PTPRS: variants seen among roughly 807,000 people sequenced by gnomAD.
PTPRS encodes the protein receptor-type tyrosine-protein phosphatase S.
In PTPRS, 63 loss-of-function variants were observed where a neutral mutation model predicts 215.3. The ratio of observed to expected loss-of-function variants is 0.29; its 90% confidence interval spans 0.24 to 0.36. The LOEUF (loss-of-function observed/expected upper bound fraction) is 0.36, where lower values mean the gene tolerates loss of function less well. Among genes scored for constraint, PTPRS ranks in the 10% least tolerant of loss-of-function variants. The pLI, the probability that PTPRS is intolerant of heterozygous loss-of-function variation, is 1.00. For missense variants in PTPRS, 2,258 were observed against 2,825.8 expected (o/e 0.80, Z 4.56); for synonymous variants, 1,404 against 1,191.4 (o/e 1.18, Z -3.68).
In PTPRS at chr19:5,220,087, C is replaced by T. The variant is rs142918634; in HGVS notation, c.3617G>A (p.Arg1206Gln). 2,136 of 1,613,866 alleles carry T rather than the reference C, an allele frequency of 1.3e-3. 1 individual carries two copies. Among genetic ancestry groups the T allele is most frequent in the Non-Finnish European group, 1.6e-3 (1,931 of 1,180,008 alleles). The change falls in exon 22 of 38, where the codon CGG becomes CAG. Residue 1206 changes from arginine to glutamine, a missense_variant. By Grantham distance (43) the Arg-to-Gln change is conservative (BLOSUM62 1). This residue lies in a region of PTPRS where 927 missense variants were observed against 1,125.9 expected (regional missense o/e 0.82). Transcript: ENST00000262963. ...AGAGAAGCGAGCTGCAATATAGGGC[C>T]GGGGCACCTCCAGCTGACGCGAGTG... Reference protein sequence around the residue: ...LRHSRQLEVPRPYIAARFSVL... With the variant: ...LRHSRQLEVPQPYIAARFSVL...
rs75531025 is a variant in PTPRS, at chr19:5,289,877, C to T, written c.-94-3643G>A. On this transcript the variant is annotated intron_variant, in intron 1 of 37. Coordinates refer to ENST00000262963, the MANE Select transcript of PTPRS (RefSeq NM_002850.4). ...ACCCACAGAGCAGCCAGGAGCCCTA[C>T]GTGGCCCTGGGCAGGGAGGGAAATG... is the stretch of plus-strand genomic sequence containing the variant. Among the ~76,000 whole-genome samples, 1,268 of 152,330 alleles carry T rather than the reference C, an allele frequency of 8.3e-3. 21 individuals carry two copies. Among genetic ancestry groups the T allele is most frequent in the African/African-American group, 0.029 (1,225 of 41,586 alleles).
chr19:5,207,334 C>A (rs529759161), intron 37 of PTPRS, among the ~76,000 whole-genome samples: 1 of 152,366 alleles, frequency 6.6e-6, no homozygotes, highest in East Asian at 1.9e-4. Context: ...ATCTGCCTGC[C>A]TTGGCCTCCC....
chr19:5,336,198 T>C (rs977377480), intron 1 of PTPRS, among the ~76,000 whole-genome samples: 8 of 144,452 alleles, frequency 5.5e-5, no homozygotes, highest in Non-Finnish European at 1.2e-4. Flanking sequence ...AAGACAGAAA[T>C]GGTACGTCGG....
chr19:5,296,472 G>T (rs1277693122), intron 1 of PTPRS, among the ~76,000 whole-genome samples: 1 of 152,200 alleles, frequency 6.6e-6, no homozygotes, highest in Non-Finnish European at 1.5e-5. Flanking sequence ...CTGCAGTCCA[G>T]CCTGGGCGAC....
intron 13 of PTPRS, among the ~76,000 whole-genome samples, chr19:5,232,327 T>C (rs896878188): frequency 6.7e-6 from 1 of 149,970 alleles, no homozygotes; most frequent in Non-Finnish European, 1.5e-5. Context: ...GCTCCATTTA[T>C]TAGGCACCTA....
At chr19:5,256,586 C>A (rs1274825573) in intron 8 of PTPRS, among the ~76,000 whole-genome samples, 1 of 152,250 alleles carries the variant, frequency 6.6e-6, no homozygotes, top group East Asian at 1.9e-4. Context: ...TTGAGCCCTG[C>A]TGGATTTACA....
intron 4 of PTPRS, among the ~76,000 whole-genome samples, chr19:5,272,142 G>C (rs1397511503): frequency 1.3e-5 from 2 of 152,162 alleles, no homozygotes; most frequent in African/African-American, 2.4e-5. Flanking sequence ...CCAGTGCTAA[G>C]ACCAAACTGC....
At chr19:5,256,239 TG>T in intron 8 of PTPRS, 120 bp from the exon 9 acceptor site, 3 of 702,138 alleles carry the variant, frequency 4.3e-6, no homozygotes, top group Non-Finnish European at 4.1e-6. Flanking sequence ...AATAGTTTGT[TG>T]TTTTTTTTTT....
chr19:5,222,564 C>T (rs1333507055), intron 18 of PTPRS, 125 bp downstream of exon 18: 4 of 1,179,090 alleles, frequency 3.4e-6, no homozygotes, highest in South Asian at 3.3e-5. Context: ...TCCGGACTTG[C>T]CTTGAGTGAC....
At position 5,206,930 on chromosome 19, in the gene PTPRS, C is replaced by T. The variant is rs536490317; in HGVS notation, c.5779-88G>A. 9 of 1,237,022 alleles carry T rather than the reference C, an allele frequency of 7.3e-6. No individual in the cohort carries two copies. In the African/African-American group the frequency reaches 1.2e-4, roughly 16 times the overall value. The allele number at this position is 1,237,022 out of a possible 1,614,324, so 76.6% of individuals were successfully genotyped here. A position where few individuals can be genotyped will look rare whatever the true frequency, so the allele number is the denominator to read the frequency against. On this transcript the variant is annotated intron_variant, in intron 37 of 37. Coordinates refer to ENST00000262963, the MANE Select transcript of PTPRS (RefSeq NM_002850.4). ...TCGCCCTCAGGAGCAGGCCAAGCTC[C>T]TCAGCCTTGTGCGTGTCTCTTGCAG...
chr19:5,274,350 G>T lies in PTPRS; in HGVS notation c.92-6C>A. On this transcript the variant is annotated splice_polypyrimidine_tract_variant and splice_region_variant and intron_variant, in intron 2 of 37. Transcript: ENST00000262963. ...TTTGATAAACCTGGGGGGCTCTGGG[G>T]ATACAGTGGAAAGAAGGGGGGGCGC... 1 of 1,599,490 alleles carries T rather than the reference G, an allele frequency of 6.3e-7. No individual in the cohort carries two copies. Among genetic ancestry groups the T allele is most frequent in the South Asian group, 1.1e-5 (1 of 90,718 alleles).
chr19:5,319,413 C>CTTTT (rs78544674), intron 1 of PTPRS, among the ~76,000 whole-genome samples: 2 of 135,326 alleles, frequency 1.5e-5, no homozygotes, highest in African/African-American at 2.7e-5. Context: ...CAGACCTTGT[C>CTTTT]TTTTTTTTTT....
intron 6 of PTPRS, 49 bp from the exon 7 acceptor site, chr19:5,260,871 G>C (rs751478879): frequency 1.1e-5 from 18 of 1,599,734 alleles, no homozygotes; most frequent in East Asian, 4.5e-5. Flanking sequence ...GGCGGTTGTT[G>C]GGGGGCCGGG....
intron 16 of PTPRS, among the ~76,000 whole-genome samples, chr19:5,226,792 T>C (rs1384466957): frequency 6.6e-6 from 1 of 152,138 alleles, no homozygotes; most frequent in Non-Finnish European, 1.5e-5. Context: ...AACTAAGTTA[T>C]ATTGAAAGCA....
At chr19:5,273,735 G>A (rs34971228) in intron 3 of PTPRS, 152 bp from the exon 4 acceptor site, 48 of 958,484 alleles carry the variant, frequency 5.0e-5, no homozygotes, top group African/African-American at 3.3e-4. Context: ...GAATGTGCAC[G>A]TGTGTCGGTG....
At chr19:5,223,846 G>T (rs1857583455) in intron 17 of PTPRS, among the ~76,000 whole-genome samples, 1 of 151,512 alleles carries the variant, frequency 6.6e-6, no homozygotes, top group Non-Finnish European at 1.5e-5. Flanking sequence ...ACAGGTGTGA[G>T]CCACCGTGCC....
chr19:5,261,492 C>T (rs574833656), intron 6 of PTPRS, among the ~76,000 whole-genome samples: 5 of 152,166 alleles, frequency 3.3e-5, no homozygotes, highest in East Asian at 1.9e-4. Flanking sequence ...AAAGGCGGCT[C>T]GGGGCTGGAA....
chr19:5,304,302 T>C (rs575094114), intron 1 of PTPRS, among the ~76,000 whole-genome samples: 1 of 151,128 alleles, frequency 6.6e-6, no homozygotes, highest in Admixed American at 6.6e-5. Context: ...CCATCTCTAC[T>C]AAAAAAAATA....
rs1353767954 is a variant in PTPRS, at chr19:5,339,290, C to A, written c.-95+1374G>T. On this transcript the variant is annotated intron_variant, in intron 1 of 37. Coordinates refer to ENST00000262963, the MANE Select transcript of PTPRS (RefSeq NM_002850.4). The surrounding 1 kb of genome is among the most constrained non-coding windows in gnomAD (Gnocchi z 4.2). ...TTTGTTAATTTGGGGGAATGAGGTC[C>A]CAGGAGGTGGCTGGATTTGAGGAAG... is the stretch of plus-strand genomic sequence containing the variant. Among the ~76,000 whole-genome samples, 4 of 152,026 alleles carry A rather than the reference C, an allele frequency of 2.6e-5. No homozygotes were observed. In the East Asian group the frequency reaches 7.7e-4, roughly 29 times the overall value.
Sources: allele counts gnomAD v4.1 joint callset (sites outside exome capture counted in the v4.1 genomes callset), GRCh38; gene constraint gnomAD v4.1.1; regional missense constraint gnomAD v4.1.1; non-coding constraint Gnocchi (gnomAD v3.1); transcripts MANE v1.5; gene names NCBI Gene and HGNC (gene_info 2026-07-23, HGNC 2026-07-21).